Variants in SRD5A2 observed in about 807,000 individuals in gnomAD.
SRD5A2 encodes steroid 5 alpha-reductase 2.
Under a neutral mutation model 27.4 loss-of-function variants are expected in SRD5A2, and 30 were observed. That is an observed-to-expected ratio of 1.10 (90% confidence interval 0.82 to 1.49). The LOEUF (loss-of-function observed/expected upper bound fraction) is 1.49. Ranked by LOEUF, SRD5A2 falls within the 40% of genes most tolerant of loss-of-function variation. SRD5A2 has a pLI of 0.00. For synonymous variants in SRD5A2, 141 were observed against 133.6 expected, an observed-to-expected ratio of 1.06 and a Z score of -0.38; for missense variants, 348 against 323.4, an observed-to-expected ratio of 1.08 and a Z score of -0.58.
At chr2:31,587,045 A>G in the SRD5A2 span, among the ~76,000 whole-genome samples, 18 of 152,352 alleles carry the variant, frequency 1.2e-4, no homozygotes, top group African/African-American at 4.1e-4. Flanking sequence ...AATACTTTAA[A>G]AGAATCAAAC....
intron 1 of SRD5A2, among the ~76,000 whole-genome samples, chr2:31,544,776 AT>A (rs1036000668): frequency 6.6e-6 from 1 of 151,764 alleles, no homozygotes; most frequent in African/African-American, 2.4e-5. Flanking sequence ...TTCTTTAAAA[AT>A]TTTTTTTAAA....
At chr2:31,658,808 C>A in the SRD5A2 span, among the ~76,000 whole-genome samples, 1 of 152,054 alleles carries the variant, frequency 6.6e-6, no homozygotes, top group African/African-American at 2.4e-5. Context: ...GAGCTGGCAC[C>A]ATTCCAACTG....
At chr2:31,628,105 T>C in the SRD5A2 span, among the ~76,000 whole-genome samples, 1 of 152,160 alleles carries the variant, frequency 6.6e-6, no homozygotes, top group Admixed American at 6.6e-5. Flanking sequence ...GTGGGATGTC[T>C]TAATCTTTTT....
the SRD5A2 span, among the ~76,000 whole-genome samples, chr2:31,653,545 G>A: frequency 3.3e-5 from 5 of 152,134 alleles, no homozygotes; most frequent in Non-Finnish European, 1.5e-5. Flanking sequence ...CACCCTGAAT[G>A]ATACAACTCC....
chr2:31,589,887 T>C, the SRD5A2 span, among the ~76,000 whole-genome samples: 2 of 152,108 alleles, frequency 1.3e-5, no homozygotes, highest in East Asian at 1.9e-4. Context: ...TCAGCCCTGC[T>C]CAAAGGCTGC....
At chr2:31,567,504 T>C (rs1405447161) in intron 1 of SRD5A2, among the ~76,000 whole-genome samples, 1 of 150,088 alleles carries the variant, frequency 6.7e-6, no homozygotes, top group South Asian at 2.1e-4. Context: ...ATATATTTCA[T>C]GTCACATGAA....
the SRD5A2 span, among the ~76,000 whole-genome samples, chr2:31,610,020 A>T: frequency 1.3e-5 from 2 of 152,144 alleles, no homozygotes; most frequent in Non-Finnish European, 2.9e-5. Context: ...AGACTGAATC[A>T]ATAATAAAAA....
upstream of SRD5A2, chr2:31,581,102 G>A: frequency 1.7e-6 from 1 of 596,570 alleles, no homozygotes. Context: ...AGCCGCGGTG[G>A]CCGGAGGAGA....
intron 1 of SRD5A2, 135 bp from the exon 2 acceptor site, chr2:31,533,901 T>A: frequency 1.1e-6 from 1 of 947,578 alleles, no homozygotes; most frequent in Non-Finnish European, 1.5e-6. Flanking sequence ...CAATACAAAT[T>A]ATCTTCTCCA....
chr2:31,587,694 C>T, the SRD5A2 span, among the ~76,000 whole-genome samples: 1 of 152,002 alleles, frequency 6.6e-6, no homozygotes, highest in African/African-American at 2.4e-5. Context: ...GGCAGTTGAA[C>T]AATGAGAACA....
At chr2:31,543,154 A>T (rs916316259) in intron 1 of SRD5A2, among the ~76,000 whole-genome samples, 4 of 152,182 alleles carry the variant, frequency 2.6e-5, no homozygotes, top group Admixed American at 1.3e-4. Context: ...TGATATTTTC[A>T]AAGTGCTAAT....
intron 1 of SRD5A2, among the ~76,000 whole-genome samples, chr2:31,573,039 A>G (rs1451338290): frequency 6.6e-6 from 1 of 152,202 alleles, no homozygotes; most frequent in Non-Finnish European, 1.5e-5. Flanking sequence ...GGCAAATTTA[A>G]GTCACAGATC....
chr2:31,574,704 T>C (rs1666921630), intron 1 of SRD5A2, among the ~76,000 whole-genome samples: 1 of 152,244 alleles, frequency 6.6e-6, no homozygotes, highest in African/African-American at 2.4e-5. Context: ...CACTTACATG[T>C]AGCAGAAATT....
chr2:31,647,109 C>CG, the SRD5A2 span, among the ~76,000 whole-genome samples: 2 of 152,082 alleles, frequency 1.3e-5, no homozygotes, highest in African/African-American at 2.4e-5. Flanking sequence ...CACACCACTG[C>CG]ACTCCAGCCT....
At chr2:31,542,705 G>A (rs1028071410) in intron 1 of SRD5A2, among the ~76,000 whole-genome samples, 2 of 152,050 alleles carry the variant, frequency 1.3e-5, no homozygotes, top group Non-Finnish European at 2.9e-5. Flanking sequence ...GAAAGAATCA[G>A]AGAACTCAAA....
chr2:31,540,893 G>C (rs893140986), intron 1 of SRD5A2, among the ~76,000 whole-genome samples: 5 of 152,178 alleles, frequency 3.3e-5, no homozygotes, highest in South Asian at 4.1e-4. Context: ...TGCTTAGATT[G>C]ATGATTGCTG....
At chr2:31,548,508 T>G (rs1448913500) in intron 1 of SRD5A2, among the ~76,000 whole-genome samples, 1 of 152,000 alleles carries the variant, frequency 6.6e-6, no homozygotes, top group East Asian at 1.9e-4. Context: ...TTTAGGGAAA[T>G]TAAAATCAAA....
the SRD5A2 span, among the ~76,000 whole-genome samples, chr2:31,586,779 C>CA: frequency 1.3e-4 from 20 of 152,038 alleles, no homozygotes; most frequent in Non-Finnish European, 1.6e-4. Context: ...AGGACAGGAA[C>CA]AAAAAAACAC....
In SRD5A2 at chr2:31,540,475, G is replaced by A. The variant is rs1666107797; in HGVS notation, c.282-6709C>T. On this transcript the variant is annotated intron_variant, in intron 1 of 4. Coordinates refer to ENST00000622030, the MANE Select transcript of SRD5A2 (RefSeq NM_000348.4). Reference sequence around the variant, plus strand: ...AAACTCACTCAAATATAACAATATAGTCAGGGTAAACGTAATAAAAAGGGG... The same window carrying A: ...AAACTCACTCAAATATAACAATATAATCAGGGTAAACGTAATAAAAAGGGG... Among the ~76,000 whole-genome samples, 4 of 152,110 alleles carry A rather than the reference G, an allele frequency of 2.6e-5. No homozygotes were observed. The South Asian group carries it at 8.3e-4, about 32-fold the overall frequency.
Sources: allele counts gnomAD v4.1 joint callset (sites outside exome capture counted in the v4.1 genomes callset), GRCh38; gene constraint gnomAD v4.1.1; transcripts MANE v1.5; gene names NCBI Gene and HGNC (gene_info 2026-07-23, HGNC 2026-07-21).